The following SERPINI1 variants were observed in gnomAD, a reference collection of about 807,000 sequenced individuals.
SERPINI1 encodes the protein serpin family I member 1.
A neutral mutation model predicts 41.1 loss-of-function variants in SERPINI1; 19 were observed. That is an observed-to-expected ratio of 0.46 (90% confidence interval 0.32 to 0.68). The LOEUF is 0.68. Ranked by LOEUF, SERPINI1 falls within the 30% of genes least tolerant of loss-of-function variation. The probability of loss-of-function intolerance (pLI) is 0.03; values close to 1 mark genes in which losing one functional copy is unlikely to be tolerated. For synonymous variants in SERPINI1, 138 were observed against 156.6 expected (o/e 0.88, Z 0.89); for missense variants, 460 against 479.2 (o/e 0.96, Z 0.37).
At chr3:167,785,531 G>A (rs914999521) in intron 1 of SERPINI1, among the ~76,000 whole-genome samples, 1 of 152,182 alleles carries the variant, frequency 6.6e-6, no homozygotes, top group African/African-American at 2.4e-5. Flanking sequence ...AGCACTTCCT[G>A]TGTGACTTTG....
At chr3:167,800,101 A>C (rs956495232) in intron 5 of SERPINI1, 14 of 152,192 alleles carry the variant, frequency 9.2e-5, no homozygotes, top group Non-Finnish European at 2.1e-4. Context: ...TATCCAAAAT[A>C]TAAGAATCTA....
chr3:167,741,981 A>G (rs1399305014), intron 1 of SERPINI1, among the ~76,000 whole-genome samples: 1 of 152,142 alleles, frequency 6.6e-6, no homozygotes, highest in Non-Finnish European at 1.5e-5. Context: ...TAAGGCAACA[A>G]AGTTTGTTTT....
intron 1 of SERPINI1, among the ~76,000 whole-genome samples, chr3:167,782,223 C>A (rs1187105323): frequency 6.6e-6 from 1 of 152,184 alleles, no homozygotes; most frequent in Non-Finnish European, 1.5e-5. Flanking sequence ...AATAATAGGG[C>A]CCTGGCATTT....
At chr3:167,737,247 C>T (rs1372265407) in intron 1 of SERPINI1, among the ~76,000 whole-genome samples, 2 of 152,104 alleles carry the variant, frequency 1.3e-5, no homozygotes, top group African/African-American at 4.8e-5. Flanking sequence ...CTCCCACACT[C>T]TCACATACCA....
rs140077368 is a variant in SERPINI1, at chr3:167,783,737, A to C, written c.-18-5374A>C. On this transcript the variant is annotated intron_variant, in intron 1 of 8. Transcript: ENST00000446050. ...GAGAAGTCAGAGGTAGCAGAGGCAA[A>C]GGAGGGAGCCAGCAACCAGCAACCA... Among the ~76,000 whole-genome samples the C allele has an allele frequency of 9.1e-4, 138 of 152,338 alleles. 1 individual carries two copies. Among genetic ancestry groups the C allele is most frequent in the African/African-American group, 3.1e-3 (129 of 41,580 alleles).
chr3:167,823,085 A>G lies in SERPINI1; in HGVS notation c.1066+13A>G. On this transcript the variant is annotated intron_variant, in intron 7 of 8. Coordinates refer to ENST00000446050, the MANE Select transcript of SERPINI1 (RefSeq NM_001122752.2). The stretch of plus-strand genomic sequence containing the variant: ...GCTGCTGTCTCAGGTACTGTTTGCT[A>G]GAATCTTCTCCCCTCTTCTAGATTT... The G allele has an allele frequency of 6.6e-7, 1 of 1,520,242 alleles. No homozygotes were observed. Among genetic ancestry groups the G allele is most frequent in the South Asian group, 1.1e-5 (1 of 89,178 alleles). 94.2% of individuals were successfully genotyped at this position (1,520,242 alleles called of 1,614,324 possible).
At chr3:167,817,642 G>C (rs1247275894) in intron 6 of SERPINI1, among the ~76,000 whole-genome samples, 1 of 151,884 alleles carries the variant, frequency 6.6e-6, no homozygotes, top group Non-Finnish European at 1.5e-5. Flanking sequence ...CTGTCGCCCA[G>C]GCTCGAGTGC....
chr3:167,747,749 ATATTTAAAACTT>A (rs1375797957), intron 1 of SERPINI1, among the ~76,000 whole-genome samples: 1 of 152,040 alleles, frequency 6.6e-6, no homozygotes, highest in African/African-American at 2.4e-5. Flanking sequence ...AGTGAATATA[ATATTTAAAACTT>A]TTAAAAATAG....
rs1443473507 is a variant in SERPINI1 at position 167,783,470 on chromosome 3, AAATG to A, written c.-18-5638_-18-5635del. On this transcript the variant is annotated intron_variant, in intron 1 of 8. Coordinates refer to ENST00000446050, the MANE Select transcript of SERPINI1 (RefSeq NM_001122752.2). The stretch of plus-strand genomic sequence containing the variant: ...CAATGCATATCAGAAATTAAGATAA[AAATG>A]AAGCCAGAGCTATAATTTTACTTAT... Among the ~76,000 whole-genome samples, 34 of 152,344 alleles carry A rather than the reference AAATG, an allele frequency of 2.2e-4. 1 individual carries two copies. Among genetic ancestry groups the A allele is most frequent in the African/African-American group, 8.2e-4 (34 of 41,568 alleles).
intron 1 of SERPINI1, among the ~76,000 whole-genome samples, chr3:167,765,325 G>C (rs1165642611): frequency 6.6e-6 from 1 of 152,230 alleles, no homozygotes; most frequent in Non-Finnish European, 1.5e-5. Context: ...CTCAATTCTT[G>C]ACTTCTGTGC....
intron 1 of SERPINI1, among the ~76,000 whole-genome samples, chr3:167,784,240 T>C (rs532643091): frequency 3.9e-5 from 6 of 152,232 alleles, no homozygotes; most frequent in Non-Finnish European, 5.9e-5. Context: ...TCCATGTGCA[T>C]GTATTTTCCT....
chr3:167,808,840 G>A (rs750167332), intron 6 of SERPINI1, among the ~76,000 whole-genome samples: 7 of 152,132 alleles, frequency 4.6e-5, no homozygotes, highest in Non-Finnish European at 8.8e-5. Flanking sequence ...TGGGGGGCTC[G>A]TATTAATAGC....
intron 2 of SERPINI1, among the ~76,000 whole-genome samples, chr3:167,789,826 C>T (rs1727439019): frequency 6.6e-6 from 1 of 151,992 alleles, no homozygotes. Context: ...GAAGTGTTAT[C>T]TTATTATAAA....
chr3:167,766,374 A>G (rs1726567695), intron 1 of SERPINI1, among the ~76,000 whole-genome samples: 1 of 152,190 alleles, frequency 6.6e-6, no homozygotes, highest in Admixed American at 6.5e-5. Flanking sequence ...GGGAACTCCC[A>G]TTTTTAAAAC....
At chr3:167,802,517 C>A (rs2108564436) in intron 5 of SERPINI1, among the ~76,000 whole-genome samples, 1 of 151,690 alleles carries the variant, frequency 6.6e-6, no homozygotes, top group South Asian at 2.1e-4. Context: ...CCAAAAAACA[C>A]ATGAAAAAAT....
In SERPINI1 at chr3:167,825,406, C is replaced by T. The variant is rs1284337426; in HGVS notation, c.*83C>T. On this transcript the variant is annotated 3_prime_UTR_variant, in exon 9 of 9. Coordinates refer to ENST00000446050, the MANE Select transcript of SERPINI1 (RefSeq NM_001122752.2). ...GTATATATTTAGGATTTGTGTTTTA[C>T]AGTATATCTTAAGATAATATTTAAA... 2.1e-5 allele frequency: 18 copies of T among 863,508 alleles called. No individual in the cohort carries two copies. The Admixed American group carries it at 3.1e-4, about 15-fold the overall frequency. The allele number at this position is 863,508 out of a possible 1,614,324, so 53.5% of individuals were successfully genotyped here.
At chr3:167,798,024 C>T (rs1353454366) in intron 5 of SERPINI1, among the ~76,000 whole-genome samples, 1 of 152,006 alleles carries the variant, frequency 6.6e-6, no homozygotes, top group Non-Finnish European at 1.5e-5. Flanking sequence ...GAATTAAGTG[C>T]AGTGCTTCCA....
intron 1 of SERPINI1, among the ~76,000 whole-genome samples, chr3:167,771,187 G>A (rs984574499): frequency 6.6e-6 from 1 of 152,124 alleles, no homozygotes; most frequent in Non-Finnish European, 1.5e-5. Context: ...ATCCTGTGGA[G>A]ATAATTGCCC....
chr3:167,792,403 AGTGT>A (rs113251395), intron 3 of SERPINI1, among the ~76,000 whole-genome samples, 183 bp from the exon 4 acceptor site: 1 of 151,168 alleles, frequency 6.6e-6, no homozygotes, highest in Non-Finnish European at 1.5e-5. Flanking sequence ...ATATATATGT[AGTGT>A]GTGTGTATGT....
Sources: allele counts gnomAD v4.1 joint callset (sites outside exome capture counted in the v4.1 genomes callset), GRCh38; gene constraint gnomAD v4.1.1; transcripts MANE v1.5; gene names NCBI Gene and HGNC (gene_info 2026-07-23, HGNC 2026-07-21).